The following PDE4D variants were observed in gnomAD, a reference collection of about 807,000 sequenced individuals.
PDE4D encodes the protein phosphodiesterase 4D.
Under a neutral mutation model 87.4 loss-of-function variants are expected in PDE4D, and 24 were observed. The observed-to-expected ratio is 0.27, with a 90% CI of 0.20 to 0.39. PDE4D has a LOEUF of 0.39. Among genes scored for constraint, PDE4D ranks in the 10% least tolerant of loss-of-function variants. PDE4D has a pLI of 1.00. For synonymous variants in PDE4D, 384 were observed against 383.2 expected (o/e 1.00, Z -0.02); for missense variants, 714 against 1,041.0 (o/e 0.69, Z 4.32).
At chr5:59,644,325 T>C (rs1339149537) in intron 1 of PDE4D, among the ~76,000 whole-genome samples, 2 of 152,216 alleles carry the variant, frequency 1.3e-5, no homozygotes, top group African/African-American at 2.4e-5. Flanking sequence ...TGATCTACAG[T>C]TAAACTGATC....
At chr5:59,077,264 T>C (rs1274184017) in intron 5 of PDE4D, among the ~76,000 whole-genome samples, 1 of 152,164 alleles carries the variant, frequency 6.6e-6, no homozygotes, top group African/African-American at 2.4e-5. Context: ...TATTGGAGAA[T>C]TGGAGTTTTA....
chr5:59,466,495 T>C (rs1056284911), intron 1 of PDE4D, among the ~76,000 whole-genome samples: 2 of 152,196 alleles, frequency 1.3e-5, no homozygotes, highest in Non-Finnish European at 2.9e-5. Flanking sequence ...GCCAGAATGC[T>C]CCTGCTGACG....
chr5:59,127,120 C>T (rs1461413989), intron 5 of PDE4D, among the ~76,000 whole-genome samples: 1 of 152,178 alleles, frequency 6.6e-6, no homozygotes, highest in African/African-American at 2.4e-5. Context: ...GCAGTGTTCC[C>T]TTCCTAAACC....
intron 1 of PDE4D, among the ~76,000 whole-genome samples, chr5:59,795,373 G>T (rs1022452818): frequency 6.6e-6 from 1 of 152,094 alleles, no homozygotes; most frequent in African/African-American, 2.4e-5. Flanking sequence ...GTGGGAGGAG[G>T]CTGGGTCTGT....
chr5:59,778,578 TAATC>T (rs5868199), intron 1 of PDE4D, among the ~76,000 whole-genome samples: 74,010 of 151,592 alleles, frequency 0.49, 19,050 homozygotes, highest in African/African-American at 0.63. Context: ...AGTAATTATT[TAATC>T]AATCAGTTAT....
intron 1 of PDE4D, among the ~76,000 whole-genome samples, chr5:59,887,290 C>T (rs1330263614): frequency 6.6e-6 from 1 of 152,008 alleles, no homozygotes; most frequent in Non-Finnish European, 1.5e-5. Flanking sequence ...AATATAGGGT[C>T]CAACCAATTT....
chr5:60,183,364 A>G (rs1430837510), intron 2 of PDE4D, among the ~76,000 whole-genome samples: 1 of 152,230 alleles, frequency 6.6e-6, no homozygotes, highest in Non-Finnish European at 1.5e-5. Context: ...AATGAGCACA[A>G]CATGGTATAG....
rs1237887046 is a variant in PDE4D at position 59,328,222 on chromosome 5, C to T, written c.456-112254G>A. ...ATTTGAGGTCTGACACTGCCATTTA[C>T]TAGCTGTGTGATTTGGGGCCTCTCA... On this transcript the variant is annotated intron_variant, in intron 1 of 14. Coordinates refer to ENST00000340635, the MANE Select transcript of PDE4D (RefSeq NM_001104631.2). Among the ~76,000 whole-genome samples the T allele has an allele frequency of 2.0e-5, 3 of 152,156 alleles. No individual in the cohort carries two copies. The East Asian group carries it at 5.8e-4, about 29-fold the overall frequency.
At chr5:60,031,900 G>A (rs1767284017) in intron 2 of PDE4D, among the ~76,000 whole-genome samples, 1 of 152,136 alleles carries the variant, frequency 6.6e-6, no homozygotes, top group Admixed American at 6.5e-5. Flanking sequence ...ATATACAACA[G>A]ACTGTCAGTG....
chr5:59,102,888 G>C (rs1194064812), intron 5 of PDE4D, among the ~76,000 whole-genome samples: 1 of 152,130 alleles, frequency 6.6e-6, no homozygotes, highest in Non-Finnish European at 1.5e-5. Flanking sequence ...CCTGGGGAGG[G>C]GGAGCATAAC....
At chr5:60,370,264 T>A (rs1292526378) in intron 1 of PDE4D, among the ~76,000 whole-genome samples, 2 of 152,162 alleles carry the variant, frequency 1.3e-5, no homozygotes, top group African/African-American at 4.8e-5. Flanking sequence ...CTGGTGTTCA[T>A]AGCACCCCCT....
chr5:58,982,729 G>C (rs1412551015), intron 11 of PDE4D, among the ~76,000 whole-genome samples: 2 of 152,178 alleles, frequency 1.3e-5, no homozygotes, highest in Non-Finnish European at 2.9e-5. Flanking sequence ...GTGAGTGGAA[G>C]TCCATGTTTC....
intron 1 of PDE4D, among the ~76,000 whole-genome samples, chr5:60,328,732 A>C (rs1433456926): frequency 6.6e-6 from 1 of 152,354 alleles, no homozygotes; most frequent in Middle Eastern, 3.4e-3. Context: ...TTAGTAGTGA[A>C]GAATGGCAGA....
intron 8 of PDE4D, 27 bp from the exon 9 acceptor site, chr5:58,990,929 T>G (rs1268884987): frequency 1.7e-6 from 2 of 1,196,606 alleles, no homozygotes; most frequent in African/African-American, 3.1e-5. Flanking sequence ...AAAAAGATAC[T>G]AAAATATTAG....
chr5:59,022,115 C>A (rs1386653164), intron 6 of PDE4D, among the ~76,000 whole-genome samples: 1 of 152,160 alleles, frequency 6.6e-6, no homozygotes, highest in Non-Finnish European at 1.5e-5. Flanking sequence ...TCAGCTCTAC[C>A]CCTCCCTCCA....
intron 6 of PDE4D, chr5:59,000,047 G>T: frequency 2.8e-6 from 1 of 360,522 alleles, no homozygotes. Context: ...GGTGCAGGCT[G>T]CTTTGGGATT....
chr5:59,274,420 GC>G (rs1305620490), intron 1 of PDE4D, among the ~76,000 whole-genome samples: 1 of 152,080 alleles, frequency 6.6e-6, no homozygotes, highest in Non-Finnish European at 1.5e-5. Flanking sequence ...ATGTGTGTTT[GC>G]CTGCTCACAT....
intron 5 of PDE4D, among the ~76,000 whole-genome samples, chr5:59,169,235 A>G (rs1782378885): frequency 6.6e-6 from 1 of 152,178 alleles, no homozygotes; most frequent in Non-Finnish European, 1.5e-5. Flanking sequence ...GAGTATGCCT[A>G]GAATATTTTT....
chr5:60,188,474 TCTC>T (rs1187769061), intron 1 of PDE4D: 3 of 151,844 alleles, frequency 2.0e-5, no homozygotes, highest in African/African-American at 2.4e-5. Flanking sequence ...TCTCCATCTG[TCTC>T]CTCCTAGGAC....
Sources: allele counts gnomAD v4.1 joint callset (sites outside exome capture counted in the v4.1 genomes callset), GRCh38; gene constraint gnomAD v4.1.1; transcripts MANE v1.5; gene names NCBI Gene and HGNC (gene_info 2026-07-23, HGNC 2026-07-21).